The following C2orf42 variants were observed in gnomAD, a reference collection of about 807,000 sequenced individuals.
The protein encoded by C2orf42 is chromosome 2 open reading frame 42.
A neutral mutation model predicts 58.9 loss-of-function variants in C2orf42; 44 were observed. That is an observed-to-expected ratio of 0.75 (90% CI 0.59 to 0.96). The LOEUF is 0.96. Among genes scored for constraint, C2orf42 ranks in the 40% least tolerant of loss-of-function variants. The pLI is 0.00. For synonymous variants in C2orf42, 239 were observed against 265.4 expected (o/e 0.90, Z 0.97); for missense variants, 630 against 699.2 (o/e 0.90, Z 1.12).
intron 2 of C2orf42, chr2:70,182,287 A>G: frequency 4.0e-6 from 1 of 248,284 alleles, no homozygotes; most frequent in South Asian, 5.4e-5. Flanking sequence ...TTTAGTAGAG[A>G]TGGGGTTTGA....
At chr2:70,161,265 C>A (rs1432816837) in intron 8 of C2orf42, among the ~76,000 whole-genome samples, 1 of 152,186 alleles carries the variant, frequency 6.6e-6, no homozygotes, top group Non-Finnish European at 1.5e-5. Flanking sequence ...ACAAACTTCT[C>A]AGAGCCTGTT....
rs1330012961 is a variant in C2orf42 at position 70,165,150 on chromosome 2, T to C, written c.1295A>G (p.Lys432Arg). 1 of 1,611,986 alleles carries C rather than the reference T, an allele frequency of 6.2e-7. No individual in the cohort carries two copies. The highest frequency in any genetic ancestry group is 8.5e-7 in the Non-Finnish European group (1 of 1,178,760). ...GATATTAGTGATATGCCAAGTATAC[T>C]TGGAAAAGGTTCCCAGTGGCAAGGC... ...KDALPLGTFS[K>R]YTWHITNILQ... The change falls in exon 8 of 10, where the codon AAG (lysine) becomes AGG (arginine). Residue 432 changes from lysine (K) to arginine (R), a missense_variant. By Grantham distance (26) the Lys-to-Arg change is conservative (BLOSUM62 2). Coordinates refer to ENST00000264434, the MANE Select transcript of C2orf42 (RefSeq NM_017880.3).
intron 6 of C2orf42, among the ~76,000 whole-genome samples, chr2:70,166,438 G>A (rs1673408807): frequency 6.6e-6 from 1 of 150,438 alleles, no homozygotes; most frequent in African/African-American, 2.4e-5. Flanking sequence ...GGCCGAGGTG[G>A]GTGGATTACC....
At chr2:70,153,307 T>C (rs1344271979) in intron 9 of C2orf42, among the ~76,000 whole-genome samples, 1 of 151,364 alleles carries the variant, frequency 6.6e-6, no homozygotes, top group Non-Finnish European at 1.5e-5. Flanking sequence ...GAGCCAGCCA[T>C]CATGCAGGAG....
At chr2:70,188,248 C>T (rs1307029353) in intron 1 of C2orf42, among the ~76,000 whole-genome samples, 7 of 151,936 alleles carry the variant, frequency 4.6e-5, no homozygotes, top group South Asian at 4.1e-4. Flanking sequence ...AGTGCAGTGG[C>T]GTGATCTTGG....
rs921198665 is a variant in C2orf42, at chr2:70,189,791, C to T, written c.-282+1182G>A. On this transcript the variant is annotated intron_variant, in intron 1 of 9. Coordinates refer to ENST00000264434, the MANE Select transcript of C2orf42 (RefSeq NM_017880.3). ...CCTGTAATCCCAGCACTTTGGGAGG[C>T]TGAGGCGGGAGGATCACTGAGCTCA... is the stretch of plus-strand genomic sequence containing the variant. 2.0e-5 allele frequency among the ~76,000 whole-genome samples: 3 copies of T among 150,770 alleles called. No homozygotes were observed. The East Asian group carries it at 5.8e-4, about 29-fold the overall frequency.
At chr2:70,166,544 T>C (rs1480625256) in intron 6 of C2orf42, among the ~76,000 whole-genome samples, 3 of 144,248 alleles carry the variant, frequency 2.1e-5, no homozygotes, top group African/African-American at 5.1e-5. Context: ...GGCATGGTGG[T>C]GTGTGCCTGT....
intron 3 of C2orf42, among the ~76,000 whole-genome samples, chr2:70,180,491 C>T (rs942821664): frequency 6.0e-5 from 9 of 150,578 alleles, no homozygotes; most frequent in African/African-American, 1.5e-4. Context: ...GCCTGTAATC[C>T]CGGCTACTTG....
intron 5 of C2orf42, among the ~76,000 whole-genome samples, chr2:70,175,460 C>T (rs1674124263): frequency 1.3e-5 from 2 of 152,200 alleles, no homozygotes; most frequent in Admixed American, 1.3e-4. Context: ...GTTTTCTGTT[C>T]CTGCATTAGT....
intron 9 of C2orf42, among the ~76,000 whole-genome samples, chr2:70,151,733 C>G (rs1024947296): frequency 6.6e-6 from 1 of 152,062 alleles, no homozygotes; most frequent in African/African-American, 2.4e-5. Context: ...ACATTTTTCT[C>G]TCAGCACTAC....
chr2:70,181,299 C>T lies in C2orf42; in HGVS notation c.687G>A (p.Leu229=), dbSNP rs1674548936. ...TGGAGGCATTTGACTTGTGCGATTT[C>T]AGAGTCTGACAGGAGCAGAAGAAGC... is the stretch of plus-strand genomic sequence containing the variant. ...ERRFFCSCQT[L]KSHKSNASKD... is the part of the protein sequence containing the mutation. Residue 229 remains leucine, a synonymous_variant, in exon 3 of 10, where the codon CTG becomes CTA. Transcript: ENST00000264434. The T allele has an allele frequency of 6.2e-7, 1 of 1,614,016 alleles. No individual in the cohort carries two copies. The highest frequency in any genetic ancestry group is 2.2e-5 in the East Asian group (1 of 44,878).
intron 9 of C2orf42, among the ~76,000 whole-genome samples, chr2:70,154,567 G>A (rs969910414): frequency 6.6e-6 from 1 of 151,752 alleles, no homozygotes; most frequent in Non-Finnish European, 1.5e-5. Context: ...AAATACAACA[G>A]GAATTTAGCC....
At chr2:70,174,059 GT>G (rs1674019624) in intron 5 of C2orf42, among the ~76,000 whole-genome samples, 1 of 152,148 alleles carries the variant, frequency 6.6e-6, no homozygotes, top group Non-Finnish European at 1.5e-5. Context: ...TGTAATCTCA[GT>G]ACTTTGTGAG....
chr2:70,181,645 C>T lies in C2orf42; in HGVS notation c.341G>A (p.Arg114Gln), dbSNP rs752588553. Residue 114 changes from arginine (R) to glutamine (Q), a missense_variant, in exon 3 of 10, where the codon CGG (arginine) becomes CAG (glutamine). Arg to Gln is a conservative substitution (Grantham distance 43). Coordinates refer to ENST00000264434, the MANE Select transcript of C2orf42 (RefSeq NM_017880.3). ...TTTCAGGCATGAGGGGACATAACAC[C>T]GTCCAGAGCTCAGCTGAGTGATGAT... ...GTIITQLSSG[R>Q]CYVPSCLKAA... 9.3e-6 allele frequency: 15 copies of T among 1,613,956 alleles called. No homozygotes were observed. In the Admixed American group the frequency reaches 1.5e-4, roughly 16 times the overall value.
chr2:70,182,131 G>C (rs542409220), intron 2 of C2orf42, 134 bp from the exon 3 acceptor site: 4 of 585,836 alleles, frequency 6.8e-6, no homozygotes, highest in Non-Finnish European at 1.2e-5. Flanking sequence ...ACGGAGTCTC[G>C]CTCTGTCGCC....
At chr2:70,187,428 T>G (rs1675020164) in intron 1 of C2orf42, among the ~76,000 whole-genome samples, 1 of 151,828 alleles carries the variant, frequency 6.6e-6, no homozygotes, top group African/African-American at 2.4e-5. Flanking sequence ...CTTTTTTGTA[T>G]TTTTAGTAGA....
chr2:70,159,522 A>AG (rs1206231516), intron 9 of C2orf42, among the ~76,000 whole-genome samples: 1 of 148,730 alleles, frequency 6.7e-6, no homozygotes, highest in East Asian at 2.0e-4. Flanking sequence ...CGGGAGGCAG[A>AG]GGTTGTGGTG....
At chr2:70,156,363 G>A (rs1009683569) in intron 9 of C2orf42, among the ~76,000 whole-genome samples, 7 of 152,088 alleles carry the variant, frequency 4.6e-5, no homozygotes, top group African/African-American at 1.7e-4. Flanking sequence ...GTGTGTGCCT[G>A]TAGTCCCACC....
At chr2:70,182,516 C>T (rs573569254) in intron 2 of C2orf42, 151 bp downstream of exon 2, 1 of 153,582 alleles carries the variant, frequency 6.5e-6, no homozygotes, top group African/African-American at 2.4e-5. Context: ...CAAAGCATTT[C>T]TCCAGATTTA....
Sources: allele counts gnomAD v4.1 joint callset (sites outside exome capture counted in the v4.1 genomes callset), GRCh38; gene constraint gnomAD v4.1.1; transcripts MANE v1.5; gene names NCBI Gene and HGNC (gene_info 2026-07-23, HGNC 2026-07-21).